NME2: variants seen among roughly 807,000 people sequenced by gnomAD.
The protein encoded by NME2 is nucleoside diphosphate kinase B.
NME2 carries 18 observed loss-of-function variants against 17.8 expected under a neutral mutation model. That is an observed-to-expected ratio of 1.01 (90% CI 0.70 to 1.50). The LOEUF (loss-of-function observed/expected upper bound fraction) is 1.50, where lower values mean the gene tolerates loss of function less well. NME2 is among the 40% of genes most tolerant of loss of function. NME2 has a pLI of 0.00. For synonymous variants in NME2, 74 were observed against 71.4 expected (o/e 1.04, Z -0.19); for missense variants, 161 against 195.6 (o/e 0.82, Z 1.05).
intron 1 of NME2, 146 bp downstream of exon 1, chr17:51,166,643 C>A (rs188038296): frequency 0.027 from 12,229 of 451,438 alleles, 203 homozygotes; most frequent in Non-Finnish European, 0.032. Context: ...TTGCAGCTTG[C>A]GCCCCGCGGG....
chr17:51,166,839 C>T lies in NME2; in HGVS notation c.9C>T (p.Asn3=). MA[N]LERTFIAIKP... Reference sequence around the variant, plus strand: ...TCTCGCCCCGCAGGACCATGGCCAACCTGGAGCGCACCTTCATCGCCATCA... The same window carrying T: ...TCTCGCCCCGCAGGACCATGGCCAATCTGGAGCGCACCTTCATCGCCATCA... The change falls in exon 2 of 5, where the codon AAC becomes AAT. Residue 3 remains asparagine, a synonymous_variant. Transcript: ENST00000512737. The T allele has an allele frequency of 6.2e-7, 1 of 1,612,812 alleles. No homozygotes were observed. The highest frequency in any genetic ancestry group is 1.7e-5 in the Admixed American group (1 of 59,920).
intron 2 of NME2, 166 bp downstream of exon 2, chr17:51,167,122 G>A (rs2049961196): frequency 7.0e-7 from 1 of 1,433,890 alleles, no homozygotes; most frequent in Non-Finnish European, 9.3e-7. Context: ...ACCCTTTCCC[G>A]GGGTGGTGGG....
chr17:51,169,390 G>A (rs2050018094), intron 3 of NME2: 1 of 146,782 alleles, frequency 6.8e-6, no homozygotes, highest in Non-Finnish European at 1.5e-5. Context: ...AGGTTGCAGT[G>A]AGCTGAGCCA....
rs376494262 is a variant in NME2, at chr17:51,168,244, C to A, written c.129C>A (p.Ala43=). Residue 43 remains alanine, a splice_region_variant and synonymous_variant, in exon 3 of 5, where the codon GCC becomes GCA. Coordinates refer to ENST00000512737, the MANE Select transcript of NME2 (RefSeq NM_002512.4). ...TGGTGCCTCCTCTCCAATGCCAGGC[C>A]TCTGAAGAACACCTGAAGCAGCACT... ...FRLVAMKFLR[A]SEEHLKQHYI... is the part of the protein sequence containing the mutation. 6 of 1,613,630 alleles carry A rather than the reference C, an allele frequency of 3.7e-6. No homozygotes were observed. In the African/African-American group the frequency reaches 8.0e-5, roughly 22 times the overall value.
intron 3 of NME2, among the ~76,000 whole-genome samples, chr17:51,168,871 G>A (rs564211230): frequency 1.3e-5 from 2 of 150,886 alleles, no homozygotes; most frequent in African/African-American, 2.4e-5. Flanking sequence ...GCTGAAGCAC[G>A]AGAATCGCTT....
Position 51,168,354 on chromosome 17 carries a change from G to A in NME2, c.228+11G>A, listed in dbSNP as rs373540932. 6.1e-5 allele frequency: 99 copies of A among 1,612,784 alleles called. No individual in the cohort carries two copies. Among genetic ancestry groups the A allele is most frequent in the South Asian group, 1.1e-4 (10 of 90,926 alleles). On this transcript the variant is annotated intron_variant, in intron 3 of 4. Coordinates refer to ENST00000512737, the MANE Select transcript of NME2 (RefSeq NM_002512.4). ...CCGGTTGTGGCCATGGTGAGTGCTC[G>A]TGGGGAATGAGAGAAAATGAGGAAA...
chr17:51,171,740 C>T lies in NME2; in HGVS notation c.*136C>T. 1.6e-6 allele frequency: 1 copy of T among 635,528 alleles called. No homozygotes were observed. 39.4% of individuals were successfully genotyped at this position (635,528 alleles called of 1,614,324 possible). A position where few individuals can be genotyped will look rare whatever the true frequency, so the allele number is the denominator to read the frequency against. ...TATTTGCCAATAAAGCTTTTGGAAG[C>T]CGGACACTGTCTCCTTGTGCTTATT... On this transcript the variant is annotated 3_prime_UTR_variant, in exon 5 of 5. Transcript: ENST00000512737.
At chr17:51,165,832 A>T (rs2049924789), upstream of NME2, 2 of 152,524 alleles carry the variant, frequency 1.3e-5, no homozygotes, top group Non-Finnish European at 2.9e-5. Flanking sequence ...CGGGGGAGTC[A>T]TCAAGGCAGG....
chr17:51,168,955 C>T lies in NME2; in HGVS notation c.228+612C>T, dbSNP rs191131143. 5.1e-3 allele frequency among the ~76,000 whole-genome samples: 773 copies of T among 151,146 alleles called. 5 individuals are homozygous for T. Among genetic ancestry groups the T allele is most frequent in the African/African-American group, 0.018 (725 of 41,146 alleles). On this transcript the variant is annotated intron_variant, in intron 3 of 4. Coordinates refer to ENST00000512737, the MANE Select transcript of NME2 (RefSeq NM_002512.4). ...TCCAGCCTGGGCGACAGCAAGACTC[C>T]ATCTCAAAAAAAAATAATACTCAAT...
chr17:51,167,270 C>T (rs1356090814), intron 2 of NME2: 3 of 401,180 alleles, frequency 7.5e-6, no homozygotes, highest in Non-Finnish European at 4.5e-6. Context: ...CCCAGACCCC[C>T]TGCGCCTGCC....
At chr17:51,169,511 T>A (rs2050022598) in intron 3 of NME2, 1 of 158,806 alleles carries the variant, frequency 6.3e-6, no homozygotes, top group Non-Finnish European at 1.4e-5. Context: ...AGTAGATCTA[T>A]TTCCTGTTCA....
At chr17:51,169,439 CAAAA>C (rs35598805) in intron 3 of NME2, 79 of 99,130 alleles carry the variant, frequency 8.0e-4, no homozygotes, top group East Asian at 2.8e-3. Flanking sequence ...GACTCTGTCT[CAAAA>C]AAAAAAAAAA....
At position 51,166,868 on chromosome 17, in the gene NME2, CG is replaced by C; in HGVS notation, c.40del (p.Asp14ThrfsTer25). ...GAGCGCACCTTCATCGCCATCAAGC[CG>C]GACGGCGTGCAGCGCGGCCTGGTGG... ...NLERTFIAIK[P>X]DGVQRGLVGE... is the part of the protein sequence containing the mutation. On this transcript the variant is annotated frameshift_variant, in exon 2 of 5. Transcript: ENST00000512737. LOFTEE classifies it high-confidence loss of function. 1 of 1,613,684 alleles carries C rather than the reference CG, an allele frequency of 6.2e-7. No individual in the cohort carries two copies. Among genetic ancestry groups the C allele is most frequent in the Non-Finnish European group, 8.5e-7 (1 of 1,179,800 alleles).
At chr17:51,166,782 G>T (rs938739335) in intron 1 of NME2, 45 bp from the exon 2 acceptor site, 9 of 1,546,666 alleles carry the variant, frequency 5.8e-6, no homozygotes, top group African/African-American at 1.4e-5. Flanking sequence ...CGCGGGCCCC[G>T]CCAGAGCCTG....
At position 51,171,505 on chromosome 17, in the gene NME2, T is replaced by G. The variant is rs148956596; in HGVS notation, c.360T>G (p.Ser120Arg). 1 of 1,613,610 alleles carries G rather than the reference T, an allele frequency of 6.2e-7. No individual in the cohort carries two copies. The highest frequency in any genetic ancestry group is 2.2e-5 in the East Asian group (1 of 44,888). Reference protein sequence around the residue: ...IQVGRNIIHGSDSVKSAEKEI... With the variant: ...IQVGRNIIHGRDSVKSAEKEI... ...TTCTTAGGAACATCATTCATGGCAG[T>G]GATTCAGTAAAAAGTGCTGAAAAAG... Residue 120 changes from serine (S) to arginine (R), a missense_variant, in exon 5 of 5, where the codon AGT becomes AGG. Physicochemically the swap from Ser to Arg is moderately radical, Grantham distance 110 (BLOSUM62 -1). Transcript: ENST00000512737.
chr17:51,168,983 C>T (rs549313759), intron 3 of NME2, among the ~76,000 whole-genome samples: 2 of 152,136 alleles, frequency 1.3e-5, no homozygotes, highest in South Asian at 4.2e-4. Flanking sequence ...TACTCAATTT[C>T]TTCTGTTTGA....
chr17:51,167,081 T>A (rs552917253), intron 2 of NME2, 125 bp downstream of exon 2: 1 of 1,567,250 alleles, frequency 6.4e-7, no homozygotes, highest in Non-Finnish European at 8.6e-7. Flanking sequence ...CTTTGCCCTC[T>A]GCCCCCGCCC....
chr17:51,171,245 C>T (rs138780477), intron 4 of NME2, among the ~76,000 whole-genome samples: 87 of 152,216 alleles, frequency 5.7e-4, no homozygotes, highest in African/African-American at 2.0e-3. Context: ...GGTACAAGCA[C>T]TCTTTTGATG....
In NME2 at chr17:51,169,985, G is replaced by A. The variant is rs747743697; in HGVS notation, c.277G>A (p.Glu93Lys). The A allele has an allele frequency of 2.5e-6, 4 of 1,613,518 alleles. No individual in the cohort carries two copies. The highest frequency in any genetic ancestry group is 8.5e-7 in the Non-Finnish European group (1 of 1,179,844). Residue 93 changes from glutamate to lysine, a missense_variant, in exon 4 of 5, where the codon GAG becomes AAG. Glu to Lys is a moderately conservative substitution (Grantham distance 56, BLOSUM62 1). Coordinates refer to ENST00000512737, the MANE Select transcript of NME2 (RefSeq NM_002512.4). ...VVKTGRVMLG[E>K]TNPADSKPGT... ...GAAGACAGGCCGAGTGATGCTTGGG[G>A]AGACCAATCCAGCAGATTCAAAGCC...
Sources: allele counts gnomAD v4.1 joint callset (sites outside exome capture counted in the v4.1 genomes callset), GRCh38; gene constraint gnomAD v4.1.1; transcripts MANE v1.5; gene names NCBI Gene and HGNC (gene_info 2026-07-23, HGNC 2026-07-21).